NPLOC4: variants seen among roughly 807,000 people sequenced by gnomAD.
NPLOC4 encodes NPL4 homolog, ubiquitin recognition factor, also known as nuclear protein localization protein 4 homolog.
In NPLOC4, 18 loss-of-function variants were observed where a neutral mutation model predicts 80.6. The ratio of observed to expected loss-of-function variants is 0.22; its 90% CI spans 0.15 to 0.33. NPLOC4 has a LOEUF of 0.33. NPLOC4 is among the 10% of genes least tolerant of loss of function. The probability of loss-of-function intolerance (pLI) is 1.00; values close to 1 mark genes in which losing one functional copy is unlikely to be tolerated. For missense variants in NPLOC4, 540 were observed against 786.1 expected (o/e 0.69, Z 3.74); for synonymous variants, 313 against 301.5 (o/e 1.04, Z -0.39).
At chr17:81,624,939 G>T (rs540147559) in intron 2 of NPLOC4, among the ~76,000 whole-genome samples, 68 of 152,312 alleles carry the variant, frequency 4.5e-4, no homozygotes, top group African/African-American at 1.6e-3. Flanking sequence ...ACAGGGCCGT[G>T]GGAAGCCACA....
intron 12 of NPLOC4, among the ~76,000 whole-genome samples, chr17:81,586,032 C>A (rs2034574431): frequency 6.6e-6 from 1 of 152,110 alleles, no homozygotes; most frequent in African/African-American, 2.4e-5. Context: ...TGCATGTAAT[C>A]CCAGCACTCT....
At position 81,623,793 on chromosome 17, in the gene NPLOC4, G is replaced by A. The variant is rs866287787; in HGVS notation, c.97-1515C>T. Reference sequence around the variant, plus strand: ...AGCCAGGACGACAGAGCGAGACTCCGTCTCAAAAAAAAAAACAAAACTCAA... The same window carrying A: ...AGCCAGGACGACAGAGCGAGACTCCATCTCAAAAAAAAAAACAAAACTCAA... On this transcript the variant is annotated intron_variant, in intron 2 of 16. Transcript: ENST00000331134. Among the ~76,000 whole-genome samples the A allele has an allele frequency of 7.1e-5, 8 of 112,066 alleles. No individual in the cohort carries two copies. In the South Asian group the frequency reaches 2.0e-3, roughly 28 times the overall value. The allele number at this position is 112,066 out of a possible 152,430, so 73.5% of individuals were successfully genotyped here.
intron 11 of NPLOC4, among the ~76,000 whole-genome samples, chr17:81,589,467 G>A (rs757269901): frequency 7.2e-5 from 11 of 151,846 alleles, no homozygotes; most frequent in Non-Finnish European, 1.2e-4. Flanking sequence ...GAACCCGGGA[G>A]GTGGAGCTTG....
At chr17:81,594,442 T>A (rs1459919122) in intron 11 of NPLOC4, among the ~76,000 whole-genome samples, 1 of 152,050 alleles carries the variant, frequency 6.6e-6, no homozygotes, top group Non-Finnish European at 1.5e-5. Flanking sequence ...ATCAAGGAAC[T>A]GCAGGCTGGG....
rs888672142 is a variant in NPLOC4, at chr17:81,606,926, C to T, written c.531-112G>A. 2.1e-5 allele frequency: 20 copies of T among 934,628 alleles called. No individual in the cohort carries two copies. In the African/African-American group the frequency reaches 2.8e-4, roughly 13 times the overall value. 57.9% of individuals were successfully genotyped at this position (934,628 alleles called of 1,614,324 possible). A position where few individuals can be genotyped will look rare whatever the true frequency, so the allele number is the denominator to read the frequency against. On this transcript the variant is annotated intron_variant, in intron 6 of 16. Transcript: ENST00000331134. ...CCTGAACAGTGTCTCAGGAGCTAAG[C>T]ACGTGGCAGCAGCAGGGAAGATGGG... is the stretch of plus-strand genomic sequence containing the variant.
intron 13 of NPLOC4, 112 bp downstream of exon 13, chr17:81,571,905 A>G: frequency 6.2e-6 from 4 of 650,174 alleles, no homozygotes. Context: ...TGCTCAAGGC[A>G]GAGGGTGCCT....
chr17:81,626,192 T>C (rs2035790516), intron 2 of NPLOC4, among the ~76,000 whole-genome samples: 4 of 148,872 alleles, frequency 2.7e-5, no homozygotes, highest in Admixed American at 2.7e-4. Context: ...GGCACGTGCC[T>C]GTAATCTCAG....
intron 15 of NPLOC4, among the ~76,000 whole-genome samples, 170 bp from the exon 16 acceptor site, chr17:81,565,777 G>T (rs143264220): frequency 6.6e-6 from 1 of 152,182 alleles, no homozygotes; most frequent in Non-Finnish European, 1.5e-5. Flanking sequence ...ATCTATAAAC[G>T]CAAGTGCTAA....
At chr17:81,610,050 A>G (rs899371405) in intron 5 of NPLOC4, among the ~76,000 whole-genome samples, 160 bp downstream of exon 5, 5 of 152,224 alleles carry the variant, frequency 3.3e-5, no homozygotes, top group Non-Finnish European at 7.3e-5. Flanking sequence ...TCCTGTGTGC[A>G]GCTTGCACTA....
At chr17:81,604,848 G>C (rs2035156612) in intron 7 of NPLOC4, 121 bp from the exon 8 acceptor site, 1 of 856,790 alleles carries the variant, frequency 1.2e-6, no homozygotes, top group African/African-American at 1.7e-5. Flanking sequence ...AAACCAATAG[G>C]GTGTGATGGT....
chr17:81,564,353 C>T (rs983740698), intron 16 of NPLOC4: 1 of 154,502 alleles, frequency 6.5e-6, no homozygotes, highest in African/African-American at 2.4e-5. Flanking sequence ...CCCAGTTACT[C>T]AGCAGGCTGA....
At chr17:81,612,763 A>G (rs1226597758) in intron 4 of NPLOC4, 1 of 152,390 alleles carries the variant, frequency 6.6e-6, no homozygotes, top group African/African-American at 2.4e-5. Context: ...CACTTCATAT[A>G]GCCCCAGGTG....
At chr17:81,629,448 G>A (rs1224254730) in intron 2 of NPLOC4, among the ~76,000 whole-genome samples, 9 of 151,972 alleles carry the variant, frequency 5.9e-5, no homozygotes, top group Admixed American at 2.0e-4. Flanking sequence ...TTGGTCTCCC[G>A]AAGTGCTGGG....
intron 3 of NPLOC4, among the ~76,000 whole-genome samples, chr17:81,621,640 T>C (rs1476489252): frequency 6.6e-6 from 1 of 152,130 alleles, no homozygotes; most frequent in Non-Finnish European, 1.5e-5. Flanking sequence ...ACTCTGCCCT[T>C]GTAACATGAA....
At chr17:81,575,254 C>T (rs1378658877) in intron 12 of NPLOC4, among the ~76,000 whole-genome samples, 1 of 152,146 alleles carries the variant, frequency 6.6e-6, no homozygotes, top group Non-Finnish European at 1.5e-5. Flanking sequence ...TGCCCGCCAC[C>T]ACGCCCGGCT....
chr17:81,630,072 T>C (rs1278614031), intron 1 of NPLOC4, among the ~76,000 whole-genome samples: 1 of 152,048 alleles, frequency 6.6e-6, no homozygotes, highest in Non-Finnish European at 1.5e-5. Flanking sequence ...AATCACTATT[T>C]ATAGAGTATA....
rs550839333 is a variant in NPLOC4, at chr17:81,586,019, T to C, written c.1281+2925A>G. Among the ~76,000 whole-genome samples, 5 of 151,980 alleles carry C rather than the reference T, an allele frequency of 3.3e-5. No individual in the cohort carries two copies. In the South Asian group the frequency reaches 1.0e-3, roughly 32 times the overall value. Reference sequence around the variant, plus strand: ...AAAAATATAGGTCAGGCACAGTGTCTCATGCATGTAATCCCAGCACTCTGT... The same window carrying C: ...AAAAATATAGGTCAGGCACAGTGTCCCATGCATGTAATCCCAGCACTCTGT... On this transcript the variant is annotated intron_variant, in intron 12 of 16. Coordinates refer to ENST00000331134, the MANE Select transcript of NPLOC4 (RefSeq NM_017921.4).
intron 14 of NPLOC4, 65 bp downstream of exon 14, chr17:81,568,951 A>G (rs1009734711): frequency 4.7e-6 from 5 of 1,057,332 alleles, no homozygotes; most frequent in Non-Finnish European, 7.3e-6. Context: ...CTGGAAAAAC[A>G]ATACTGACAC....
At chr17:81,597,124 A>G (rs959355726) in intron 10 of NPLOC4, 121 bp downstream of exon 10, 1 of 698,582 alleles carries the variant, frequency 1.4e-6, no homozygotes, top group African/African-American at 1.8e-5. Flanking sequence ...AAAAATACAA[A>G]TAAATAAATA....
Sources: allele counts gnomAD v4.1 joint callset (sites outside exome capture counted in the v4.1 genomes callset), GRCh38; gene constraint gnomAD v4.1.1; transcripts MANE v1.5; gene names NCBI Gene and HGNC (gene_info 2026-07-23, HGNC 2026-07-21).